CACNA2D1: variants seen among roughly 807,000 people sequenced by gnomAD.
CACNA2D1 encodes the protein voltage-dependent calcium channel subunit alpha-2/delta-1.
Under a neutral mutation model 171.5 loss-of-function variants are expected in CACNA2D1, and 53 were observed. The ratio of observed to expected loss-of-function variants is 0.31; its 90% CI spans 0.25 to 0.39. CACNA2D1 has a LOEUF of 0.39. CACNA2D1 is among the 10% of genes least tolerant of loss of function. The pLI is 1.00. For missense variants in CACNA2D1, 903 were observed against 1,299.8 expected (o/e 0.69, Z 4.69); for synonymous variants, 442 against 443.1 (o/e 1.00, Z 0.03).
chr7:81,999,330 A>G (rs554742317), intron 18 of CACNA2D1, among the ~76,000 whole-genome samples: 1 of 152,352 alleles, frequency 6.6e-6, no homozygotes, highest in South Asian at 2.1e-4. Flanking sequence ...TCTTTCAATA[A>G]GAAAGCACCA....
intron 16 of CACNA2D1, among the ~76,000 whole-genome samples, chr7:82,006,738 C>CA (rs1554349168): frequency 6.6e-6 from 1 of 151,986 alleles, no homozygotes; most frequent in Non-Finnish European, 1.5e-5. Flanking sequence ...GAGAGTTACT[C>CA]TTTTATGAGT....
chr7:82,273,142 AT>A (rs1056333619), intron 3 of CACNA2D1, among the ~76,000 whole-genome samples: 4 of 152,306 alleles, frequency 2.6e-5, no homozygotes, highest in African/African-American at 7.2e-5. Flanking sequence ...TGCCTAAAAA[AT>A]AATATCCAAT....
At chr7:82,159,616 C>G (rs1584954988) in intron 4 of CACNA2D1, among the ~76,000 whole-genome samples, 1 of 151,324 alleles carries the variant, frequency 6.6e-6, no homozygotes. Context: ...GATGAGAGAT[C>G]TCCCCAAAAA....
chr7:81,954,015 T>A (rs1792915777), intron 38 of CACNA2D1, among the ~76,000 whole-genome samples: 1 of 152,126 alleles, frequency 6.6e-6, no homozygotes, highest in Non-Finnish European at 1.5e-5. Context: ...GAAAAATGTG[T>A]CTTTTAAGTT....
At position 81,970,549 on chromosome 7, in the gene CACNA2D1, A is replaced by G. The variant is rs140571364; in HGVS notation, c.2204+126T>C. On this transcript the variant is annotated intron_variant, in intron 27 of 38. Transcript: ENST00000356860. ...TTTAATAATGTAAATACTGTAAACA[A>G]TGGCTCCAATGTAATCTAATGGCAA... 3.0e-4 allele frequency: 216 copies of G among 716,928 alleles called. No individual in the cohort carries two copies. In the East Asian group the frequency reaches 3.9e-3, roughly 13 times the overall value. 44.4% of individuals were successfully genotyped at this position (716,928 alleles called of 1,614,324 possible).
intron 1 of CACNA2D1, among the ~76,000 whole-genome samples, chr7:82,417,957 A>T (rs1828340383): frequency 6.6e-6 from 1 of 152,216 alleles, no homozygotes; most frequent in South Asian, 2.1e-4. Context: ...CCACATCAAC[A>T]TGAGTCTTTC....
intron 6 of CACNA2D1, among the ~76,000 whole-genome samples, chr7:82,085,570 G>C (rs1373164408): frequency 6.6e-6 from 1 of 151,072 alleles, no homozygotes; most frequent in Admixed American, 6.6e-5. Context: ...AATTAACTAT[G>C]TTTATACAAC....
chr7:82,310,013 T>C (rs1380650494), intron 3 of CACNA2D1, among the ~76,000 whole-genome samples: 2 of 152,292 alleles, frequency 1.3e-5, no homozygotes, highest in African/African-American at 4.8e-5. Flanking sequence ...ACTATAACAT[T>C]AATTATTAAA....
At chr7:82,300,535 G>A (rs1196926347) in intron 3 of CACNA2D1, among the ~76,000 whole-genome samples, 5 of 152,066 alleles carry the variant, frequency 3.3e-5, no homozygotes, top group African/African-American at 1.2e-4. Flanking sequence ...TCAGTAATTT[G>A]CTATATTTGC....
intron 3 of CACNA2D1, among the ~76,000 whole-genome samples, chr7:82,189,073 C>T (rs556664989): frequency 6.6e-6 from 1 of 151,986 alleles, no homozygotes; most frequent in Non-Finnish European, 1.5e-5. Flanking sequence ...GGGTGCTATG[C>T]TTATTACTTG....
intron 28 of CACNA2D1, 108 bp downstream of exon 28, chr7:81,969,773 A>G (rs780722632): frequency 8.3e-5 from 59 of 710,934 alleles, no homozygotes; most frequent in Non-Finnish European, 1.3e-4. Context: ...AATGATGACT[A>G]TTCTGAGTAG....
chr7:82,029,994 T>C (rs374646730), intron 12 of CACNA2D1: 1 of 151,844 alleles, frequency 6.6e-6, no homozygotes, highest in Non-Finnish European at 1.5e-5. Flanking sequence ...ATCAGTATGT[T>C]AGCAGACAAA....
At position 82,185,389 on chromosome 7, in the gene CACNA2D1, C is replaced by T. The variant is rs571700907; in HGVS notation, c.295-14780G>A. 8.0e-4 allele frequency among the ~76,000 whole-genome samples: 119 copies of T among 147,970 alleles called. 2 individuals carry two copies. The highest frequency in any genetic ancestry group is 1.4e-3 in the Non-Finnish European group (94 of 67,296). On this transcript the variant is annotated intron_variant, in intron 3 of 38. Transcript: ENST00000356860. The stretch of plus-strand genomic sequence containing the variant: ...AAAGCTATATAAACATTACCCACCC[C>T]GATAACTCAAAAGGAGCAATGTTAC...
intron 21 of CACNA2D1, among the ~76,000 whole-genome samples, chr7:81,990,477 C>T (rs1797426357): frequency 6.6e-6 from 1 of 150,986 alleles, no homozygotes; most frequent in Admixed American, 6.6e-5. Context: ...AGGGATGTGA[C>T]TGTTAAGAAG....
chr7:82,428,387 C>T (rs1265699597), intron 1 of CACNA2D1, among the ~76,000 whole-genome samples: 4 of 152,098 alleles, frequency 2.6e-5, no homozygotes, highest in African/African-American at 4.8e-5. Context: ...AACCTCAGGA[C>T]GATAAGCAAG....
intron 1 of CACNA2D1, among the ~76,000 whole-genome samples, chr7:82,412,448 A>G (rs542805539): frequency 8.0e-4 from 122 of 151,738 alleles, no homozygotes; most frequent in African/African-American, 2.6e-3. Flanking sequence ...AGCCCATCTA[A>G]TTTTTTGTAT....
intron 1 of CACNA2D1, among the ~76,000 whole-genome samples, chr7:82,357,070 T>C (rs1820511214): frequency 6.6e-6 from 1 of 152,176 alleles, no homozygotes; most frequent in Non-Finnish European, 1.5e-5. Context: ...TTATATCCTC[T>C]ACTTCACTTT....
At chr7:82,145,826 TG>T (rs34357660) in intron 4 of CACNA2D1, among the ~76,000 whole-genome samples, 41,151 of 150,494 alleles carry the variant, frequency 0.27, 5,937 homozygotes, top group East Asian at 0.39. Flanking sequence ...CTTTTAACTT[TG>T]TCTTATAATC....
chr7:82,082,204 C>T (rs1200299983), intron 7 of CACNA2D1, among the ~76,000 whole-genome samples: 1 of 152,150 alleles, frequency 6.6e-6, no homozygotes, highest in Admixed American at 6.5e-5. Context: ...CTGTCCTCCA[C>T]CAGCGGAGGG....
Sources: allele counts gnomAD v4.1 joint callset (sites outside exome capture counted in the v4.1 genomes callset), GRCh38; gene constraint gnomAD v4.1.1; transcripts MANE v1.5; gene names NCBI Gene and HGNC (gene_info 2026-07-23, HGNC 2026-07-21).